The following LRRC4C variants were observed in gnomAD, a reference collection of about 807,000 sequenced individuals.
The protein encoded by LRRC4C is leucine rich repeat containing 4C, also known as leucine-rich repeat-containing protein 4C.
LRRC4C carries 5 observed loss-of-function variants against 33.6 expected under a neutral mutation model. The observed-to-expected ratio is 0.15, with a 90% CI of 0.08 to 0.31. LRRC4C has a LOEUF of 0.31. Ranked by LOEUF, LRRC4C falls within the 10% of genes least tolerant of loss-of-function variation. LRRC4C has a pLI of 1.00. For synonymous variants in LRRC4C, 329 were observed against 302.0 expected (o/e 1.09, Z -0.93); for missense variants, 560 against 796.7 (o/e 0.70, Z 3.58).
At chr11:40,258,297 A>G (rs1205443186) in intron 4 of LRRC4C, among the ~76,000 whole-genome samples, 13 of 152,222 alleles carry the variant, frequency 8.5e-5, no homozygotes, top group Non-Finnish European at 2.9e-5. Flanking sequence ...AAATAAAAAC[A>G]GTCCACCTCA....
chr11:40,499,036 G>A (rs1461841737), intron 3 of LRRC4C, among the ~76,000 whole-genome samples: 2 of 152,132 alleles, frequency 1.3e-5, no homozygotes, highest in Non-Finnish European at 2.9e-5. Context: ...GTGATATTAT[G>A]ACTTAAAGTT....
chr11:40,849,872 A>G (rs753669136), intron 2 of LRRC4C, among the ~76,000 whole-genome samples: 1 of 151,162 alleles, frequency 6.6e-6, no homozygotes, highest in African/African-American at 2.4e-5. Context: ...CTTTATTTCA[A>G]TAAGTTGATT....
chr11:40,605,529 C>T lies in LRRC4C; in HGVS notation c.-270+42613G>A, dbSNP rs574842434. ...TCAAAGTCACTAGGAAAATTTATTGCACTTGTTCACCACAGTCCTTCTCCC... is the reference window on the plus strand; with the variant it reads ...TCAAAGTCACTAGGAAAATTTATTGTACTTGTTCACCACAGTCCTTCTCCC... On this transcript the variant is annotated intron_variant, in intron 3 of 6. Coordinates refer to ENST00000528697, the MANE Select transcript of LRRC4C (RefSeq NM_001258419.2). 6.6e-5 allele frequency among the ~76,000 whole-genome samples: 10 copies of T among 152,262 alleles called. No individual in the cohort carries two copies. The South Asian group carries it at 1.4e-3, about 22-fold the overall frequency.
chr11:40,292,402 C>T (rs565218024), intron 4 of LRRC4C: 1 of 152,286 alleles, frequency 6.6e-6, no homozygotes, highest in South Asian at 2.1e-4. Context: ...CAATCAATGC[C>T]TCAATCTGCC....
intron 1 of LRRC4C, among the ~76,000 whole-genome samples, chr11:40,973,636 A>G (rs1382885649): frequency 6.6e-6 from 1 of 152,168 alleles, no homozygotes; most frequent in Non-Finnish European, 1.5e-5. Context: ...GTCCTGGTTT[A>G]TTATTATTTT....
intron 3 of LRRC4C, among the ~76,000 whole-genome samples, chr11:40,490,290 AAGCAC>A (rs1345151586): frequency 6.6e-6 from 1 of 152,126 alleles, no homozygotes; most frequent in East Asian, 1.9e-4. Context: ...TTATTAGATA[AAGCAC>A]TCATCTGCCT....
chr11:40,558,287 A>G (rs957405947), intron 3 of LRRC4C, among the ~76,000 whole-genome samples: 1 of 152,232 alleles, frequency 6.6e-6, no homozygotes, highest in African/African-American at 2.4e-5. Flanking sequence ...TTTGGAGACT[A>G]CATAATTGGG....
At chr11:41,018,764 T>A (rs1332348462) in intron 1 of LRRC4C, among the ~76,000 whole-genome samples, 1 of 152,294 alleles carries the variant, frequency 6.6e-6, no homozygotes, top group South Asian at 2.1e-4. Flanking sequence ...CAGATTCCAA[T>A]GCAGGTGACT....
intron 2 of LRRC4C, among the ~76,000 whole-genome samples, chr11:40,922,474 T>A (rs1957223023): frequency 6.6e-6 from 1 of 152,204 alleles, no homozygotes; most frequent in South Asian, 2.1e-4. Context: ...CCTTGAACTC[T>A]GTCATTCTTT....
At chr11:40,470,432 C>A (rs750864340) in intron 3 of LRRC4C, among the ~76,000 whole-genome samples, 6 of 152,184 alleles carry the variant, frequency 3.9e-5, no homozygotes, top group South Asian at 4.1e-4. Context: ...TGAGAAAAAA[C>A]CAGCTCAAAA....
chr11:40,355,524 G>T (rs1947616646), intron 3 of LRRC4C, among the ~76,000 whole-genome samples: 1 of 152,118 alleles, frequency 6.6e-6, no homozygotes, highest in Non-Finnish European at 1.5e-5. Flanking sequence ...ATTCCCTTCT[G>T]GGTAGCACTG....
intron 2 of LRRC4C, among the ~76,000 whole-genome samples, chr11:40,682,746 C>CAATA (rs10523318): frequency 0.037 from 5,209 of 141,590 alleles, 261 homozygotes; most frequent in African/African-American, 0.1. Flanking sequence ...GACTCTGTCT[C>CAATA]AATAAATAAA....
chr11:40,406,229 T>G (rs1003917958), intron 3 of LRRC4C, among the ~76,000 whole-genome samples: 4 of 152,116 alleles, frequency 2.6e-5, no homozygotes, highest in African/African-American at 9.7e-5. Flanking sequence ...TCCTCCTTCT[T>G]CACCTGACTA....
intron 3 of LRRC4C, among the ~76,000 whole-genome samples, chr11:40,377,819 A>G (rs1948718270): frequency 6.6e-6 from 1 of 152,134 alleles, no homozygotes; most frequent in African/African-American, 2.4e-5. Flanking sequence ...TGACTTTGTC[A>G]TTATCTAGAA....
chr11:40,461,197 G>GA (rs1952381706), intron 3 of LRRC4C, among the ~76,000 whole-genome samples: 1 of 152,140 alleles, frequency 6.6e-6, no homozygotes, highest in African/African-American at 2.4e-5. Flanking sequence ...AGTGGCAAGG[G>GA]AAAAATGAGA....
intron 4 of LRRC4C, among the ~76,000 whole-genome samples, chr11:40,285,440 G>T (rs1333224921): frequency 6.6e-6 from 1 of 152,140 alleles, no homozygotes; most frequent in Admixed American, 6.5e-5. Flanking sequence ...TCCCCACAAT[G>T]AGGACCTCAT....
intron 3 of LRRC4C, among the ~76,000 whole-genome samples, chr11:40,553,508 C>T (rs1055592857): frequency 7.2e-5 from 11 of 152,014 alleles, no homozygotes; most frequent in East Asian, 1.9e-4. Flanking sequence ...ACTATATTAG[C>T]GTAAAACTCT....
chr11:41,394,338 A>T (rs967939081), intron 1 of LRRC4C, among the ~76,000 whole-genome samples: 17 of 151,950 alleles, frequency 1.1e-4, no homozygotes, highest in Non-Finnish European at 2.1e-4. Flanking sequence ...ATTAGAAAGG[A>T]GGGGGACTTA....
chr11:40,982,195 A>T (rs1361058524), intron 1 of LRRC4C, among the ~76,000 whole-genome samples: 1 of 152,222 alleles, frequency 6.6e-6, no homozygotes, highest in East Asian at 1.9e-4. Context: ...ATATATTTTG[A>T]TGAATAGGGT....
Sources: allele counts gnomAD v4.1 joint callset (sites outside exome capture counted in the v4.1 genomes callset), GRCh38; gene constraint gnomAD v4.1.1; transcripts MANE v1.5; gene names NCBI Gene and HGNC (gene_info 2026-07-23, HGNC 2026-07-21).